Variants in NUBP1 observed in about 807,000 individuals in gnomAD.
NUBP1 encodes the protein cytosolic Fe-S cluster assembly factor NUBP1.
Under a neutral mutation model 41.8 loss-of-function variants are expected in NUBP1, and 46 were observed. That is an observed-to-expected ratio of 1.10 (90% CI 0.87 to 1.41). The LOEUF is 1.41. NUBP1 is among the 40% of genes most tolerant of loss of function. The pLI is 0.00. For synonymous variants in NUBP1, 189 were observed against 154.6 expected, an observed-to-expected ratio of 1.22 and a Z score of -1.65; for missense variants, 494 against 414.0, an observed-to-expected ratio of 1.19 and a Z score of -1.68.
rs1286357096 is a variant in NUBP1 at position 10,755,650 on chromosome 16, TTGTC to T, written c.328-67_328-64del. The T allele has an allele frequency of 5.7e-5, 82 of 1,431,778 alleles. 3 individuals are homozygous for T. Among genetic ancestry groups the T allele is most frequent in the South Asian group, 3.9e-4 (34 of 86,494 alleles). 88.7% of individuals were successfully genotyped at this position (1,431,778 alleles called of 1,614,324 possible). ...AAACCATCGTCTTACTTTGTACAAT[TTGTC>T]TGTGCATGAAATGTGACCAGGGTAC... is the stretch of plus-strand genomic sequence containing the variant. On this transcript the variant is annotated intron_variant, in intron 4 of 10. Transcript: ENST00000283027.
At chr16:10,763,917 TCAGCCCATGGGAGCATCC>T (rs1356042314) in intron 9 of NUBP1, 4 of 182,470 alleles carry the variant, frequency 2.2e-5, no homozygotes, top group South Asian at 8.1e-5. Context: ...CAAGAGCATC[TCAGCCCATGGGAGCATCC>T]CAGCCCAAGG....
At chr16:10,758,048 A>T in intron 7 of NUBP1, 21 bp downstream of exon 7, 1 of 1,609,908 alleles carries the variant, frequency 6.2e-7, no homozygotes, top group East Asian at 2.2e-5. Context: ...TGCCAGCTGG[A>T]GCTGGGTCCA....
rs1900792569 is a variant in NUBP1, at chr16:10,759,464, T to G, written c.606+1437T>G. 6.6e-6 allele frequency among the ~76,000 whole-genome samples: 1 copy of G among 152,170 alleles called. No individual in the cohort carries two copies. The highest frequency in any genetic ancestry group is 1.5e-5 in the Non-Finnish European group (1 of 68,036). ...AAGTGTATTTGTCCTTAGGAATGTT[T>G]TCTGTCCCATTTTTAAAAAGTGGTT... is the stretch of plus-strand genomic sequence containing the variant. On this transcript the variant is annotated intron_variant, in intron 7 of 10. Coordinates refer to ENST00000283027, the MANE Select transcript of NUBP1 (RefSeq NM_002484.4). The surrounding 1 kb of genome is among the most constrained non-coding windows in gnomAD (Gnocchi z 4.7).
chr16:10,748,864 C>T (rs925125767), intron 3 of NUBP1, among the ~76,000 whole-genome samples: 5 of 151,926 alleles, frequency 3.3e-5, no homozygotes, highest in South Asian at 4.2e-4. Flanking sequence ...CTGAGGCAGG[C>T]GGATCACTTG....
intron 2 of NUBP1, 113 bp from the exon 3 acceptor site, chr16:10,747,030 C>A (rs928168627): frequency 7.8e-7 from 1 of 1,279,064 alleles, no homozygotes; most frequent in Non-Finnish European, 1.1e-6. Flanking sequence ...TCGTTTTAAA[C>A]AGCCCCAGGA....
Position 10,761,355 on chromosome 16 carries a change from CCTT to C in NUBP1, c.607-7_607-5del, listed in dbSNP as rs767909676. 2.9e-5 allele frequency: 47 copies of C among 1,613,034 alleles called. No homozygotes were observed. Among genetic ancestry groups the C allele is most frequent in the Non-Finnish European group, 4.0e-5 (47 of 1,179,304 alleles). On this transcript the variant is annotated splice_region_variant and splice_polypyrimidine_tract_variant and intron_variant, in intron 7 of 10. Coordinates refer to ENST00000283027, the MANE Select transcript of NUBP1 (RefSeq NM_002484.4). ...GATGCTGGAATCACTGGTCTTTTCA[CCTT>C]CGTAGGAGGTGTCACTCCAGGATGT...
Position 10,767,402 on chromosome 16 carries a change from CACAG to C in NUBP1, c.821-543_821-540del, listed in dbSNP as rs2031050523. 2 of 400,220 alleles carry C rather than the reference CACAG, an allele frequency of 5.0e-6. No homozygotes were observed. The highest frequency in any genetic ancestry group is 6.3e-4 in the Middle Eastern group (1 of 1,596). 24.8% of individuals were successfully genotyped at this position (400,220 alleles called of 1,614,324 possible). A position where few individuals can be genotyped will look rare whatever the true frequency, so the allele number is the denominator to read the frequency against. On this transcript the variant is annotated intron_variant, in intron 9 of 10. Coordinates refer to ENST00000283027, the MANE Select transcript of NUBP1 (RefSeq NM_002484.4). The surrounding 1 kb of genome is among the most constrained non-coding windows in gnomAD (Gnocchi z 4.6). ...AGATGACCTGGAAGATAAAATTATA[CACAG>C]ACAAAGCAGCAGGCAGAATGTGTGT...
chr16:10,749,191 G>C lies in NUBP1; in HGVS notation c.258+1915G>C, dbSNP rs546019896. 1.3e-4 allele frequency among the ~76,000 whole-genome samples: 19 copies of C among 151,512 alleles called. No individual in the cohort carries two copies. Among genetic ancestry groups the C allele is most frequent in the Admixed American group, 1.1e-3 (17 of 15,230 alleles). On this transcript the variant is annotated intron_variant, in intron 3 of 10. Transcript: ENST00000283027. This position sits in a 1 kb window ranked among gnomAD's most constrained non-coding sequence, Gnocchi z 4.1. ...CACACGTTGATTCGTCATTCTGTGA[G>C]TCAGCGATCTCTTGCCATTTGAGGG...
intron 4 of NUBP1, among the ~76,000 whole-genome samples, chr16:10,754,309 C>A (rs1172682943): frequency 6.6e-6 from 1 of 151,976 alleles, no homozygotes; most frequent in African/African-American, 2.4e-5. Context: ...GTGTCGCGAT[C>A]TCGGCTCACC....
chr16:10,757,913 G>A lies in NUBP1; in HGVS notation c.492G>A (p.Glu164=), dbSNP rs1197847056. 1.2e-6 allele frequency: 2 copies of A among 1,613,932 alleles called. No individual in the cohort carries two copies. The highest frequency in any genetic ancestry group is 8.5e-7 in the Non-Finnish European group (1 of 1,180,016). Residue 164 remains glutamate, a synonymous_variant, in exon 7 of 11, where the codon GAG becomes GAA. Coordinates refer to ENST00000283027, the MANE Select transcript of NUBP1 (RefSeq NM_002484.4). The surrounding 1 kb of genome is among the most constrained non-coding windows in gnomAD (Gnocchi z 4.1). The part of the protein sequence containing the change: ...KQFLRDVDWG[E]VDYLIVDTPP... Reference sequence around the variant, plus strand: ...TCCTCCGAGATGTGGACTGGGGAGAGGTCGACTACCTCATTGTGGACACCC... The same window carrying A: ...TCCTCCGAGATGTGGACTGGGGAGAAGTCGACTACCTCATTGTGGACACCC...
At chr16:10,762,134 G>A in intron 9 of NUBP1, 1 of 317,286 alleles carries the variant, frequency 3.2e-6, no homozygotes, top group Non-Finnish European at 5.9e-6. Flanking sequence ...TGGTGGCAGG[G>A]GACTGAGGAG....
intron 9 of NUBP1, among the ~76,000 whole-genome samples, chr16:10,762,851 C>T (rs1282196047): frequency 2.0e-5 from 3 of 150,474 alleles, no homozygotes; most frequent in Non-Finnish European, 3.0e-5. Context: ...AGCCTGGAGG[C>T]GGGGAGGGCG....
In NUBP1 at chr16:10,761,395, TC is replaced by T. The variant is rs752341242; in HGVS notation, c.639del (p.Asn214ThrfsTer6). On this transcript the variant is annotated frameshift_variant, in exon 8 of 11. Transcript: ENST00000283027. LOFTEE classifies it high-confidence loss of function. ...EVSLQDVRKE[I>X]NFCRKVKLPI... is the part of the protein sequence containing the mutation. The stretch of plus-strand genomic sequence containing the variant: ...TCACTCCAGGATGTCCGGAAAGAAA[TC>T]AACTTCTGCCGCAAGGTGAAGCTGC... The T allele has an allele frequency of 4.3e-6, 7 of 1,614,098 alleles. No individual in the cohort carries two copies. The highest frequency in any genetic ancestry group is 5.9e-6 in the Non-Finnish European group (7 of 1,179,984).
At chr16:10,748,472 C>G (rs984835221) in intron 3 of NUBP1, among the ~76,000 whole-genome samples, 2 of 152,092 alleles carry the variant, frequency 1.3e-5, no homozygotes, top group African/African-American at 4.8e-5. Flanking sequence ...GTTGGTGGGT[C>G]GCTAAGAGCA....
In NUBP1 at chr16:10,757,143, C is replaced by T. The variant is rs1900616372; in HGVS notation, c.451+363C>T. 6.6e-6 allele frequency among the ~76,000 whole-genome samples: 1 copy of T among 151,854 alleles called. No homozygotes were observed. The highest frequency in any genetic ancestry group is 6.6e-5 in the Admixed American group (1 of 15,240). On this transcript the variant is annotated intron_variant, in intron 6 of 10. Coordinates refer to ENST00000283027, the MANE Select transcript of NUBP1 (RefSeq NM_002484.4). The surrounding 1 kb of genome is among the most constrained non-coding windows in gnomAD (Gnocchi z 4.1). ...GGTGAAACCCTGTCTCTACCAAAAA[C>T]ATAAAAAATTAGCCGAGCATGGTGG... is the stretch of plus-strand genomic sequence containing the variant.
At position 10,769,160 on chromosome 16, in the gene NUBP1, C is replaced by A; in HGVS notation, c.*55C>A. On this transcript the variant is annotated 3_prime_UTR_variant, in exon 11 of 11. Coordinates refer to ENST00000283027, the MANE Select transcript of NUBP1 (RefSeq NM_002484.4). Reference sequence around the variant, plus strand: ...ACCGAGCGAGGCACTCACTGGGCAGCACATCCAGCCAGACCCGACCAGCTC... The same window carrying A: ...ACCGAGCGAGGCACTCACTGGGCAGAACATCCAGCCAGACCCGACCAGCTC... The A allele has an allele frequency of 6.5e-7, 1 of 1,547,246 alleles. No homozygotes were observed. The highest frequency in any genetic ancestry group is 8.9e-7 in the Non-Finnish European group (1 of 1,120,192).
intron 9 of NUBP1, chr16:10,764,956 G>T (rs1039676401): frequency 5.6e-6 from 1 of 179,060 alleles, no homozygotes; most frequent in African/African-American, 2.4e-5. Context: ...GAGGAAAGCT[G>T]GGCACAGCCA....
chr16:10,763,461 A>C (rs2030335707), intron 9 of NUBP1: 1 of 152,392 alleles, frequency 6.6e-6, no homozygotes, highest in African/African-American at 2.4e-5. Context: ...CCTTATTCCC[A>C]CATCCCACAA....
intron 2 of NUBP1, among the ~76,000 whole-genome samples, chr16:10,744,916 G>T (rs1185315266): frequency 1.3e-5 from 2 of 151,676 alleles, no homozygotes; most frequent in African/African-American, 4.8e-5. Context: ...TGCCACCACG[G>T]CTGGCTAATT....
Sources: allele counts gnomAD v4.1 joint callset (sites outside exome capture counted in the v4.1 genomes callset), GRCh38; gene constraint gnomAD v4.1.1; non-coding constraint Gnocchi (gnomAD v3.1); transcripts MANE v1.5; gene names NCBI Gene and HGNC (gene_info 2026-07-23, HGNC 2026-07-21).